RASGRF2: variants seen among roughly 807,000 people sequenced by gnomAD.
The protein encoded by RASGRF2 is Ras protein specific guanine nucleotide releasing factor 2.
A neutral mutation model predicts 151.0 loss-of-function variants in RASGRF2; 76 were observed. The ratio of observed to expected loss-of-function variants is 0.50; its 90% CI spans 0.42 to 0.61. The LOEUF is 0.61. Among genes scored for constraint, RASGRF2 ranks in the 20% least tolerant of loss-of-function variants. RASGRF2 has a pLI of 0.00. For synonymous variants in RASGRF2, 504 were observed against 566.5 expected (o/e 0.89, Z 1.57); for missense variants, 1,148 against 1,564.6 (o/e 0.73, Z 4.49).
In RASGRF2 at chr5:81,201,584, C is replaced by T. The variant is rs867459438; in HGVS notation, c.2906+142C>T. The T allele has an allele frequency of 4.4e-5, 42 of 962,194 alleles. No homozygotes were observed. The Middle Eastern group carries it at 9.5e-4, about 22-fold the overall frequency. The allele number at this position is 962,194 out of a possible 1,614,324, so 59.6% of individuals were successfully genotyped here. A position where few individuals can be genotyped will look rare whatever the true frequency, so the allele number is the denominator to read the frequency against. ...AGTAAAGTGTTATGTATTATCTTCT[C>T]TTTCCTGGGGGCAATTTGGGGTCTG... On this transcript the variant is annotated intron_variant, in intron 19 of 26. Coordinates refer to ENST00000265080, the MANE Select transcript of RASGRF2 (RefSeq NM_006909.3).
At chr5:80,980,722 C>A (rs1403315888) in intron 1 of RASGRF2, among the ~76,000 whole-genome samples, 1 of 152,314 alleles carries the variant, frequency 6.6e-6, no homozygotes, top group East Asian at 1.9e-4. Flanking sequence ...TTAAAACTTA[C>A]ACCCTTTGTG....
intron 1 of RASGRF2, among the ~76,000 whole-genome samples, chr5:80,991,322 G>A (rs1429127099): frequency 2.0e-5 from 3 of 152,146 alleles, no homozygotes; most frequent in African/African-American, 4.8e-5. Flanking sequence ...GTGTTGGGGG[G>A]CCTGAGGTGG....
In RASGRF2 at chr5:81,197,222, C is replaced by T. The variant is rs186673840; in HGVS notation, c.2794-4108C>T. ...CTGTAATCCCAGCACTTTGGGAGGC[C>T]GAGGCGGGTGGATCATGAGGTCAGG... On this transcript the variant is annotated intron_variant, in intron 18 of 26. Coordinates refer to ENST00000265080, the MANE Select transcript of RASGRF2 (RefSeq NM_006909.3). 4.6e-3 allele frequency among the ~76,000 whole-genome samples: 690 copies of T among 150,538 alleles called. 8 individuals carry two copies. The highest frequency in any genetic ancestry group is 0.033 in the East Asian group (166 of 5,106).
At chr5:81,213,393 C>T (rs560537468) in intron 23 of RASGRF2, among the ~76,000 whole-genome samples, 2 of 152,286 alleles carry the variant, frequency 1.3e-5, no homozygotes, top group South Asian at 4.1e-4. Flanking sequence ...CAGGCTCTCA[C>T]GTCCCATTGG....
chr5:81,127,246 C>T (rs1477782193), intron 17 of RASGRF2, 83 bp downstream of exon 17: 8 of 1,351,956 alleles, frequency 5.9e-6, no homozygotes, highest in East Asian at 2.4e-5. Context: ...CTTGATGAGA[C>T]ACTCGGCAGC....
At chr5:81,120,375 G>A (rs1005869154) in intron 15 of RASGRF2, among the ~76,000 whole-genome samples, 6 of 152,124 alleles carry the variant, frequency 3.9e-5, no homozygotes, top group East Asian at 1.9e-4. Flanking sequence ...CTAGGAATTC[G>A]AGACCAGCCT....
Position 81,148,535 on chromosome 5 carries a change from A to G in RASGRF2, c.2686+21372A>G, listed in dbSNP as rs376224995. On this transcript the variant is annotated intron_variant, in intron 17 of 26. Transcript: ENST00000265080. ...GATCTGAACCTATTTCTTTGTTCTC[A>G]TAAACATTGCTTCAGCTAAACATGT... is the stretch of plus-strand genomic sequence containing the variant. 2.0e-5 allele frequency among the ~76,000 whole-genome samples: 3 copies of G among 152,280 alleles called. 1 individual carries two copies. Among genetic ancestry groups the G allele is most frequent in the African/African-American group, 7.2e-5 (3 of 41,562 alleles).
intron 17 of RASGRF2, among the ~76,000 whole-genome samples, chr5:81,173,503 T>C (rs140074527): frequency 1.8e-3 from 269 of 152,342 alleles, no homozygotes; most frequent in African/African-American, 6.1e-3. Flanking sequence ...CTAACTGTTA[T>C]CCTAACTCAT....
chr5:81,092,084 G>A (rs116023063), intron 9 of RASGRF2, among the ~76,000 whole-genome samples: 2,336 of 152,178 alleles, frequency 0.015, 21 homozygotes, highest in Non-Finnish European at 0.024. Context: ...ATAATCAAAG[G>A]TAATGTTGGT....
chr5:81,026,046 CCA>C (rs1162057923), intron 1 of RASGRF2, among the ~76,000 whole-genome samples: 9 of 27,404 alleles, frequency 3.3e-4, no homozygotes, highest in South Asian at 1.1e-3. Context: ...CTCCTTCCTT[CCA>C]TCCTTCCCTT....
chr5:81,182,432 G>A (rs1399662824), intron 18 of RASGRF2, among the ~76,000 whole-genome samples: 1 of 152,176 alleles, frequency 6.6e-6, no homozygotes, highest in Non-Finnish European at 1.5e-5. Flanking sequence ...CTCTGTATGA[G>A]TACACGACCG....
intron 17 of RASGRF2, among the ~76,000 whole-genome samples, chr5:81,132,978 G>A (rs1338161332): frequency 6.6e-6 from 1 of 152,304 alleles, no homozygotes. Context: ...ATCTGCTTTT[G>A]AGTCCAATCC....
At chr5:81,034,204 A>G (rs1750380781) in intron 1 of RASGRF2, among the ~76,000 whole-genome samples, 1 of 152,244 alleles carries the variant, frequency 6.6e-6, no homozygotes, top group Non-Finnish European at 1.5e-5. Flanking sequence ...AAAAATGCTC[A>G]CCATCACTGG....
At chr5:81,173,303 G>A (rs112075671) in intron 17 of RASGRF2, among the ~76,000 whole-genome samples, 17,861 of 152,124 alleles carry the variant, frequency 0.12, 1,212 homozygotes, top group Middle Eastern at 0.25. Flanking sequence ...GCTTGAACCC[G>A]GGAGGCAGAG....
At chr5:81,003,892 T>A (rs1050680005) in intron 1 of RASGRF2, among the ~76,000 whole-genome samples, 1 of 152,220 alleles carries the variant, frequency 6.6e-6, no homozygotes, top group Non-Finnish European at 1.5e-5. Flanking sequence ...CTGAGCCTTC[T>A]GAAATGTTTA....
chr5:81,123,529 C>T (rs189196833), intron 15 of RASGRF2, 113 bp from the exon 16 acceptor site: 4 of 1,239,270 alleles, frequency 3.2e-6, no homozygotes, highest in African/African-American at 1.5e-5. Context: ...ATATTAAAGC[C>T]CTTTAATGAA....
chr5:81,040,359 T>A (rs952101900), intron 1 of RASGRF2, among the ~76,000 whole-genome samples: 8 of 152,150 alleles, frequency 5.3e-5, no homozygotes, highest in African/African-American at 1.7e-4. Flanking sequence ...AATGGAATTG[T>A]TGGGAAATAA....
chr5:81,207,930 C>T (rs1448185063), intron 21 of RASGRF2, among the ~76,000 whole-genome samples: 3 of 152,238 alleles, frequency 2.0e-5, no homozygotes, highest in Admixed American at 2.0e-4. Flanking sequence ...GAAAATTCTG[C>T]TTCTGACTAA....
At chr5:81,196,404 A>G (rs1755265577) in intron 18 of RASGRF2, among the ~76,000 whole-genome samples, 1 of 152,252 alleles carries the variant, frequency 6.6e-6, no homozygotes, top group Non-Finnish European at 1.5e-5. Flanking sequence ...GCATTATATC[A>G]GAGTCTGATT....
Sources: allele counts gnomAD v4.1 joint callset (sites outside exome capture counted in the v4.1 genomes callset), GRCh38; gene constraint gnomAD v4.1.1; transcripts MANE v1.5; gene names NCBI Gene and HGNC (gene_info 2026-07-23, HGNC 2026-07-21).